Variants in TRAPPC8 observed in about 807,000 individuals in gnomAD.
The protein encoded by TRAPPC8 is general sporulation gene 1 homolog.
In TRAPPC8, 54 loss-of-function variants were observed where a neutral mutation model predicts 174.3. The ratio of observed to expected loss-of-function variants is 0.31; its 90% CI spans 0.25 to 0.39. The LOEUF is 0.39. Among genes scored for constraint, TRAPPC8 ranks in the 10% least tolerant of loss-of-function variants. The pLI, the probability that TRAPPC8 is intolerant of heterozygous loss-of-function variation, is 1.00. For missense variants in TRAPPC8, 1,531 were observed against 1,699.1 expected, an observed-to-expected ratio of 0.90 and a Z score of 1.74; for synonymous variants, 630 against 579.9, an observed-to-expected ratio of 1.09 and a Z score of -1.24.
intron 12 of TRAPPC8, among the ~76,000 whole-genome samples, chr18:31,883,007 G>A (rs558665492): frequency 2.1e-5 from 3 of 144,816 alleles, no homozygotes; most frequent in African/African-American, 5.0e-5. Context: ...GGTGGATCAC[G>A]AGTTCAGGAG....
At chr18:31,872,706 A>G (rs112726892) in intron 14 of TRAPPC8, among the ~76,000 whole-genome samples, 6,134 of 152,228 alleles carry the variant, frequency 0.04, 353 homozygotes, top group African/African-American at 0.12. Context: ...GGTGTGAGCC[A>G]CCACACCCGG....
At chr18:31,851,057 GATA>G (rs1268941600) in intron 24 of TRAPPC8, among the ~76,000 whole-genome samples, 1 of 152,134 alleles carries the variant, frequency 6.6e-6, no homozygotes, top group Non-Finnish European at 1.5e-5. Context: ...ATGGTAAAAA[GATA>G]ATGATGAGTC....
At chr18:31,882,153 T>C (rs544207241) in intron 12 of TRAPPC8, among the ~76,000 whole-genome samples, 5 of 152,296 alleles carry the variant, frequency 3.3e-5, no homozygotes, top group South Asian at 4.1e-4. Context: ...ACCTGTATTC[T>C]TATGTTCATC....
Position 31,830,934 on chromosome 18 carries a change from T to C in TRAPPC8, c.4129A>G (p.Lys1377Glu), listed in dbSNP as rs769208382. 6.2e-7 allele frequency: 1 copy of C among 1,614,216 alleles called. No individual in the cohort carries two copies. Among genetic ancestry groups the C allele is most frequent in the Non-Finnish European group, 8.5e-7 (1 of 1,180,044 alleles). Residue 1377 changes from lysine (K) to glutamate (E), a missense_variant, in exon 29 of 29, where the codon AAA becomes GAA. Lys to Glu is a moderately conservative substitution (Grantham distance 56). Transcript: ENST00000283351. The stretch of plus-strand genomic sequence containing the variant: ...ATCTCCTGGCTTTTAAGTTGAAGTT[T>C]ATACTGTGTTTGTCCAAGCCATGTG... Reference protein sequence around the residue: ...SFTWLGQTQYKLQLKSQEIHS... With the variant: ...SFTWLGQTQYELQLKSQEIHS...
chr18:31,896,767 G>A (rs1375339889), intron 11 of TRAPPC8, among the ~76,000 whole-genome samples: 1 of 152,128 alleles, frequency 6.6e-6, no homozygotes, highest in African/African-American at 2.4e-5. Context: ...GAGATTACAG[G>A]TGTGCACCAC....
intron 27 of TRAPPC8, among the ~76,000 whole-genome samples, chr18:31,836,916 C>T (rs938156881): frequency 1.4e-4 from 22 of 151,984 alleles, no homozygotes; most frequent in African/African-American, 2.4e-4. Context: ...TGCCCGCCAC[C>T]ACACCCGGCT....
At chr18:31,917,786 G>C (rs929773422) in intron 2 of TRAPPC8, 119 bp from the exon 3 acceptor site, 1 of 808,858 alleles carries the variant, frequency 1.2e-6, no homozygotes. Context: ...CAGTAAACAA[G>C]CATTTTTCAC....
chr18:31,862,429 G>A (rs975469866), intron 19 of TRAPPC8, among the ~76,000 whole-genome samples: 3 of 151,902 alleles, frequency 2.0e-5, no homozygotes, highest in Non-Finnish European at 1.5e-5. Context: ...GCATCTAAAA[G>A]AGAACCTGGT....
At chr18:31,841,989 G>C (rs2144981070) in intron 26 of TRAPPC8, among the ~76,000 whole-genome samples, 1 of 152,246 alleles carries the variant, frequency 6.6e-6, no homozygotes, top group South Asian at 2.1e-4. Flanking sequence ...TCCCACCTCA[G>C]TCTTCTATGC....
At chr18:31,922,006 C>T (rs1041170763) in intron 2 of TRAPPC8, among the ~76,000 whole-genome samples, 2 of 152,010 alleles carry the variant, frequency 1.3e-5, no homozygotes, top group African/African-American at 4.8e-5. Flanking sequence ...AAGAATGTAA[C>T]CCAAAACTGT....
At position 31,907,561 on chromosome 18, in the gene TRAPPC8, A is replaced by G. The variant is rs2036716962; in HGVS notation, c.1288T>C (p.Cys430Arg). Residue 430 changes from cysteine (C) to arginine (R), a missense_variant, in exon 9 of 29, where the codon TGT becomes CGT. Physicochemically the swap from Cys to Arg is radical, Grantham distance 180 (BLOSUM62 -3). Coordinates refer to ENST00000283351, the MANE Select transcript of TRAPPC8 (RefSeq NM_014939.5). ...AAATCATAATGCTGCACCAAAAAAC[A>G]TAAGTCAGCCATTTTCCTGATTTGA... ...ELQIRKMADL[C>R]FLVQHYDLAY... The G allele has an allele frequency of 5.0e-6, 8 of 1,611,836 alleles. No homozygotes were observed. Among genetic ancestry groups the G allele is most frequent in the South Asian group, 1.1e-5 (1 of 90,558 alleles).
intron 16 of TRAPPC8, among the ~76,000 whole-genome samples, 178 bp from the exon 17 acceptor site, chr18:31,867,654 G>A (rs1428597617): frequency 6.6e-6 from 1 of 152,146 alleles, no homozygotes; most frequent in Non-Finnish European, 1.5e-5. Flanking sequence ...AGTAGACCCA[G>A]GCTGTAGTAG....
In TRAPPC8 at chr18:31,852,661, T is replaced by C. The variant is rs3737374; in HGVS notation, c.3436A>G (p.Thr1146Ala). ...KSVNLSENKD[T>A]KLASREKGKF... ...CCCTTCTCCCTACTGGCAAGTTTGG[T>C]ATCTAGGAAGAAAAAGGGAAATTTC... Residue 1146 changes from threonine to alanine, a missense_variant and splice_region_variant, in exon 23 of 29, where the codon ACC becomes GCC. By Grantham distance (58) the Thr-to-Ala change is moderately conservative. Coordinates refer to ENST00000283351, the MANE Select transcript of TRAPPC8 (RefSeq NM_014939.5). 0.36 allele frequency: 575,628 copies of C among 1,611,074 alleles called. 106,686 individuals are homozygous for C. The highest frequency in any genetic ancestry group is 0.57 in the South Asian group (52,002 of 90,962).
At chr18:31,890,936 A>T in intron 11 of TRAPPC8, 70 bp from the exon 12 acceptor site, 1 of 1,454,714 alleles carries the variant, frequency 6.9e-7, no homozygotes, top group Non-Finnish European at 9.3e-7. Context: ...CTAGTGAAAA[A>T]AACATTTAAT....
At chr18:31,892,199 T>C (rs984941512) in intron 11 of TRAPPC8, among the ~76,000 whole-genome samples, 2 of 152,246 alleles carry the variant, frequency 1.3e-5, no homozygotes, top group African/African-American at 2.4e-5. Context: ...CCATGCTTCA[T>C]GTCATTTGCC....
chr18:31,844,213 AAATT>A (rs1329169169), intron 26 of TRAPPC8, among the ~76,000 whole-genome samples: 1 of 152,238 alleles, frequency 6.6e-6, no homozygotes, highest in Non-Finnish European at 1.5e-5. Context: ...CAATATGGAT[AAATT>A]TCACAAACAC....
At chr18:31,836,984 G>A (rs938166641) in intron 27 of TRAPPC8, among the ~76,000 whole-genome samples, 2 of 151,874 alleles carry the variant, frequency 1.3e-5, no homozygotes, top group Non-Finnish European at 2.9e-5. Flanking sequence ...GGATGGTCTT[G>A]ATCTCCTGAC....
Position 31,839,320 on chromosome 18 carries a change from A to C in TRAPPC8, c.3975T>G (p.His1325Gln). 6.3e-7 allele frequency: 1 copy of C among 1,596,366 alleles called. No homozygotes were observed. Among genetic ancestry groups the C allele is most frequent in the Non-Finnish European group, 8.5e-7 (1 of 1,173,668 alleles). Residue 1325 changes from histidine to glutamine, a missense_variant, in exon 27 of 29, where the codon CAT becomes CAG. Coordinates refer to ENST00000283351, the MANE Select transcript of TRAPPC8 (RefSeq NM_014939.5). ...HYPESFNHPF[H>Q]QKSLCLVPVT... ...AAAAATAAAGCTCAAACCTTTTTTGATGAAATGGATGATTAAATGATTCTG... is the reference window on the plus strand; with the variant it reads ...AAAAATAAAGCTCAAACCTTTTTTGCTGAAATGGATGATTAAATGATTCTG...
chr18:31,935,792 A>C (rs1406971468), intron 1 of TRAPPC8, among the ~76,000 whole-genome samples: 2 of 150,662 alleles, frequency 1.3e-5, no homozygotes, highest in Non-Finnish European at 3.0e-5. Context: ...CTGGAGTGCA[A>C]TTGCATGATT....
Sources: gnomAD v4.1 joint callset for allele counts (sites outside exome capture counted in the v4.1 genomes callset) on GRCh38, gnomAD v4.1.1 for gene constraint, MANE v1.5 for transcripts, NCBI Gene and HGNC (gene_info 2026-07-23, HGNC 2026-07-21) for gene names.